COL4A2: variants seen among roughly 807,000 people sequenced by gnomAD.
COL4A2 encodes collagen alpha-2(IV) chain.
Under a neutral mutation model 200.2 loss-of-function variants are expected in COL4A2, and 99 were observed. That is an observed-to-expected ratio of 0.49 (90% confidence interval 0.42 to 0.58). COL4A2 has a LOEUF of 0.58. COL4A2 is among the 20% of genes least tolerant of loss of function. COL4A2 has a pLI of 0.00. For synonymous variants in COL4A2, 897 were observed against 900.6 expected, an observed-to-expected ratio of 1.00 and a Z score of 0.07; for missense variants, 1,950 against 2,314.1, an observed-to-expected ratio of 0.84 and a Z score of 3.23.
intron 45 of COL4A2, among the ~76,000 whole-genome samples, chr13:110,505,381 T>C (rs1158469886): frequency 6.6e-6 from 1 of 151,862 alleles, no homozygotes. Context: ...ACATGGGTAG[T>C]ACTATTGGTG....
intron 20 of COL4A2, among the ~76,000 whole-genome samples, chr13:110,453,678 A>G (rs1881622384): frequency 6.6e-6 from 1 of 152,198 alleles, no homozygotes. Context: ...CGAACAATTT[A>G]ATTTCTGATC....
intron 3 of COL4A2, among the ~76,000 whole-genome samples, chr13:110,341,334 C>T (rs974237603): frequency 6.6e-6 from 1 of 152,236 alleles, no homozygotes; most frequent in Non-Finnish European, 1.5e-5. Flanking sequence ...GGCCGTCCAG[C>T]CCCTATGGAG....
intron 4 of COL4A2, among the ~76,000 whole-genome samples, chr13:110,393,212 G>T (rs9559786): frequency 0.091 from 13,836 of 152,182 alleles, 997 homozygotes; most frequent in East Asian, 0.35. Flanking sequence ...GTAAAATTGA[G>T]CTCTTTCTTT....
intron 4 of COL4A2, among the ~76,000 whole-genome samples, chr13:110,374,944 TCTC>T (rs1309378237): frequency 8.3e-6 from 1 of 120,666 alleles, no homozygotes; most frequent in Non-Finnish European, 1.8e-5. Context: ...TGCCAATTAA[TCTC>T]CTTAGAGGAT....
intron 3 of COL4A2, among the ~76,000 whole-genome samples, chr13:110,330,316 A>G (rs1875847536): frequency 6.6e-6 from 1 of 152,140 alleles, no homozygotes; most frequent in Non-Finnish European, 1.5e-5. Flanking sequence ...GAGTGTGGAA[A>G]GATACTGCTG....
At chr13:110,430,123 CA>C in intron 8 of COL4A2, 167 bp downstream of exon 8, 1 of 765,596 alleles carries the variant, frequency 1.3e-6, no homozygotes, top group South Asian at 3.0e-5. Context: ...AGGATGTTTT[CA>C]ATCTTATTTT....
At position 110,508,053 on chromosome 13, in the gene COL4A2, G is replaced by C; in HGVS notation, c.4713G>C (p.Ala1571=). 2.5e-6 allele frequency: 4 copies of C among 1,614,206 alleles called. No homozygotes were observed. Among genetic ancestry groups the C allele is most frequent in the Non-Finnish European group, 2.5e-6 (3 of 1,180,038 alleles). ...NDKSYWLSTT[A]PLPMMPVAED... ...AGTCCTACTGGCTCTCTACCACTGCGCCGCTGCCCATGATGCCCGTGGCCG... is the reference window on the plus strand; with the variant it reads ...AGTCCTACTGGCTCTCTACCACTGCCCCGCTGCCCATGATGCCCGTGGCCG... The change falls in exon 47 of 48, where the codon GCG becomes GCC. Residue 1571 remains alanine (A), a synonymous_variant. Coordinates refer to ENST00000360467, the MANE Select transcript of COL4A2 (RefSeq NM_001846.4). The surrounding 1 kb of genome is among the most constrained non-coding windows in gnomAD (Gnocchi z 6.1).
At chr13:110,420,818 C>T (rs1880219840) in intron 4 of COL4A2, among the ~76,000 whole-genome samples, 1 of 152,194 alleles carries the variant, frequency 6.6e-6, no homozygotes, top group African/African-American at 2.4e-5. Context: ...ATCCTGATGA[C>T]CAAAGCGTGG....
rs921805308 is a variant in COL4A2, at chr13:110,505,038, C to CATTAAA, written c.4402+793_4402+798dup. 6.6e-5 allele frequency among the ~76,000 whole-genome samples: 10 copies of CATTAAA among 151,266 alleles called. No individual in the cohort carries two copies. In the East Asian group the frequency reaches 1.2e-3, roughly 18 times the overall value. On this transcript the variant is annotated intron_variant, in intron 45 of 47. Transcript: ENST00000360467. Reference sequence around the variant, plus strand: ...GCTCAGTTTGAGCCAATGGTCTGAGCATTAAAATTAAAATTAAAATTAAAC... The same window carrying CATTAAA: ...GCTCAGTTTGAGCCAATGGTCTGAGCATTAAAATTAAAATTAAAATTAAAATTAAAC...
intron 3 of COL4A2, among the ~76,000 whole-genome samples, chr13:110,354,513 A>G (rs902143962): frequency 6.6e-6 from 1 of 152,178 alleles, no homozygotes; most frequent in African/African-American, 2.4e-5. Flanking sequence ...TTTACACCAT[A>G]AACTCCAGCT....
intron 29 of COL4A2, among the ~76,000 whole-genome samples, chr13:110,475,381 A>G (rs1185744242): frequency 6.6e-6 from 1 of 152,228 alleles, no homozygotes; most frequent in East Asian, 1.9e-4. Context: ...TCGAGTGTCC[A>G]CCATCGACCT....
intron 16 of COL4A2, 53 bp from the exon 17 acceptor site, chr13:110,445,776 T>A (rs1382188852): frequency 6.2e-7 from 1 of 1,605,976 alleles, no homozygotes; most frequent in Non-Finnish European, 8.5e-7. Context: ...TGCAGTCCCT[T>A]TTTGGAGTTA....
chr13:110,465,892 C>T, intron 25 of COL4A2, 111 bp from the exon 26 acceptor site: 3 of 1,331,720 alleles, frequency 2.3e-6, no homozygotes, highest in Non-Finnish European at 3.1e-6. Flanking sequence ...CCTTCCTGCC[C>T]CCACCAGCAA....
In COL4A2 at chr13:110,425,796, G is replaced by A. The variant is rs555611670; in HGVS notation, c.360+799G>A. On this transcript the variant is annotated intron_variant, in intron 6 of 47. Coordinates refer to ENST00000360467, the MANE Select transcript of COL4A2 (RefSeq NM_001846.4). ...GAGAGACTCCATTCCCAGGCTGCAC[G>A]AGTAGGGCCATGCCTTGCAGAAGAG... 7.2e-5 allele frequency among the ~76,000 whole-genome samples: 11 copies of A among 152,314 alleles called. No individual in the cohort carries two copies. In the South Asian group the frequency reaches 1.7e-3, roughly 23 times the overall value.
In COL4A2 at chr13:110,505,872, C is replaced by T. The variant is rs1287380171; in HGVS notation, c.4403-543C>T. On this transcript the variant is annotated intron_variant, in intron 45 of 47. Coordinates refer to ENST00000360467, the MANE Select transcript of COL4A2 (RefSeq NM_001846.4). Reference sequence around the variant, plus strand: ...CTTCCAACGCCAGGCACGTTGGGCACATCCTGAGGGGCACATGCCTACCTA... The same window carrying T: ...CTTCCAACGCCAGGCACGTTGGGCATATCCTGAGGGGCACATGCCTACCTA... 4.6e-5 allele frequency among the ~76,000 whole-genome samples: 7 copies of T among 152,186 alleles called. No individual in the cohort carries two copies. The South Asian group carries it at 1.2e-3, about 27-fold the overall frequency.
At chr13:110,465,765 C>T (rs1214872971) in intron 25 of COL4A2, among the ~76,000 whole-genome samples, 159 bp downstream of exon 25, 1 of 152,170 alleles carries the variant, frequency 6.6e-6, no homozygotes, top group Non-Finnish European at 1.5e-5. Flanking sequence ...GGTTTCTGAG[C>T]CCCCACCAGC....
At chr13:110,311,169 G>A (rs1884970973) in intron 3 of COL4A2, among the ~76,000 whole-genome samples, 2 of 152,152 alleles carry the variant, frequency 1.3e-5, no homozygotes, top group Admixed American at 1.3e-4. Context: ...GAGGATCAGG[G>A]GCAGCAAGTG....
In COL4A2 at chr13:110,449,699, T is replaced by C. The variant is rs985148850; in HGVS notation, c.1099T>C (p.Phe367Leu). ...TCCAGGTGCCAGAGGTGACCCGGGA[T>C]TCCCAGGGGCCCAAGGGGAGCCAGG... is the stretch of plus-strand genomic sequence containing the variant. ...LAKGARGDPG[F>L]PGAQGEPGSQ... is the part of the protein sequence containing the mutation. Residue 367 changes from phenylalanine to leucine, a missense_variant, in exon 19 of 48, where the codon TTC becomes CTC. Around this residue, in one of 2 missense-constraint regions of COL4A2, gnomAD observed 565 missense variants for 593.5 expected, o/e 0.95. Transcript: ENST00000360467. The C allele has an allele frequency of 2.6e-6, 4 of 1,548,748 alleles. No homozygotes were observed. The highest frequency in any genetic ancestry group is 1.4e-5 in the African/African-American group (1 of 72,892).
chr13:110,439,592 T>C (rs1881044947), intron 15 of COL4A2, among the ~76,000 whole-genome samples, 197 bp from the exon 16 acceptor site: 1 of 152,186 alleles, frequency 6.6e-6, no homozygotes, highest in Admixed American at 6.5e-5. Context: ...CACAACTTTG[T>C]AAAGGGGAAA....
Sources: gnomAD v4.1 joint callset for allele counts (sites outside exome capture counted in the v4.1 genomes callset) on GRCh38, gnomAD v4.1.1 for gene constraint, gnomAD v4.1.1 regional missense constraint, Gnocchi (gnomAD v3.1) non-coding constraint, MANE v1.5 for transcripts, NCBI Gene and HGNC (gene_info 2026-07-23, HGNC 2026-07-21) for gene names.